Variants in HHIPL1 observed in about 807,000 individuals in gnomAD.
HHIPL1 encodes the protein HHIP-like protein 1.
In HHIPL1, 43 loss-of-function variants were observed where a neutral mutation model predicts 61.8. That is an observed-to-expected ratio of 0.70 (90% CI 0.55 to 0.90). The LOEUF (loss-of-function observed/expected upper bound fraction) is 0.90, where lower values mean the gene tolerates loss of function less well. HHIPL1 is among the 40% of genes least tolerant of loss of function. HHIPL1 has a pLI of 0.00. For synonymous variants in HHIPL1, 482 were observed against 515.8 expected, an observed-to-expected ratio of 0.93 and a Z score of 0.89; for missense variants, 1,056 against 1,157.7, an observed-to-expected ratio of 0.91 and a Z score of 1.28.
chr14:99,632,570 C>G, the HHIPL1 span, among the ~76,000 whole-genome samples: 3 of 152,192 alleles, frequency 2.0e-5, no homozygotes, highest in Non-Finnish European at 4.4e-5. Flanking sequence ...TCTGAGCAGG[C>G]TATCACTTCC....
chr14:99,673,329 CT>C (rs977136387), intron 8 of HHIPL1, among the ~76,000 whole-genome samples: 1 of 151,540 alleles, frequency 6.6e-6, no homozygotes, highest in Admixed American at 6.6e-5. Flanking sequence ...GTTTCTGGCA[CT>C]TTTGTTAGTT....
chr14:99,640,877 C>CTTTTTTTTTTTTTT (rs59137552), upstream of HHIPL1, among the ~76,000 whole-genome samples: 31 of 69,858 alleles, frequency 4.4e-4, 3 homozygotes, highest in South Asian at 1.2e-3. Context: ...ACTTCTTCTT[C>CTTTTTTTTTTTTTT]TTTTTTTTTT....
chr14:99,622,684 G>T, the HHIPL1 span, among the ~76,000 whole-genome samples: 4 of 152,164 alleles, frequency 2.6e-5, no homozygotes, highest in South Asian at 4.1e-4. Flanking sequence ...CACCAGGGGG[G>T]TCCTGAGTTC....
At chr14:99,610,160 C>T in the HHIPL1 span, among the ~76,000 whole-genome samples, 1 of 152,144 alleles carries the variant, frequency 6.6e-6, no homozygotes, top group South Asian at 2.1e-4. Flanking sequence ...CCTGATGGAA[C>T]AAGACAAGAG....
chr14:99,619,397 G>T, the HHIPL1 span, among the ~76,000 whole-genome samples: 1 of 151,676 alleles, frequency 6.6e-6, no homozygotes, highest in East Asian at 1.9e-4. Flanking sequence ...GGGAGGCAGA[G>T]GTTGCAGTGG....
chr14:99,650,844 C>T (rs1566806779), intron 1 of HHIPL1, among the ~76,000 whole-genome samples: 1 of 152,264 alleles, frequency 6.6e-6, no homozygotes, highest in East Asian at 1.9e-4. Context: ...AGAATTCTGC[C>T]TGCCAGAGAA....
intron 6 of HHIPL1, among the ~76,000 whole-genome samples, chr14:99,667,978 G>C (rs781469250): frequency 2.0e-5 from 3 of 152,200 alleles, no homozygotes; most frequent in Non-Finnish European, 2.9e-5. Context: ...GGTGGGTCCA[G>C]GCAGAGTGCC....
chr14:99,653,763 T>C (rs955577856), intron 2 of HHIPL1, among the ~76,000 whole-genome samples: 4 of 152,204 alleles, frequency 2.6e-5, no homozygotes, highest in African/African-American at 9.7e-5. Context: ...CCCAACTGTT[T>C]TCAAAATGGG....
upstream of HHIPL1, among the ~76,000 whole-genome samples, chr14:99,640,216 A>G (rs1398693082): frequency 6.6e-6 from 1 of 152,142 alleles, no homozygotes; most frequent in Non-Finnish European, 1.5e-5. Flanking sequence ...TTCTTTTACA[A>G]TTATTTTAAT....
At chr14:99,617,894 C>G in the HHIPL1 span, among the ~76,000 whole-genome samples, 1 of 152,204 alleles carries the variant, frequency 6.6e-6, no homozygotes, top group East Asian at 1.9e-4. Context: ...ATGACTGTGC[C>G]CATTTTACTT....
chr14:99,620,378 G>T, the HHIPL1 span, among the ~76,000 whole-genome samples: 2 of 152,238 alleles, frequency 1.3e-5, no homozygotes, highest in African/African-American at 4.8e-5. Context: ...CTGGCTGAGG[G>T]TCCAGGAGCC....
chr14:99,638,032 C>T, the HHIPL1 span, among the ~76,000 whole-genome samples: 5 of 152,322 alleles, frequency 3.3e-5, no homozygotes, highest in African/African-American at 7.2e-5. Flanking sequence ...AATGTTAGCA[C>T]GGGTGAAGTC....
Position 99,675,015 on chromosome 14 carries a change from G to C in HHIPL1, c.1814-76G>C. The C allele has an allele frequency of 1.2e-6, 1 of 801,246 alleles. No individual in the cohort carries two copies. The highest frequency in any genetic ancestry group is 1.6e-6 in the Non-Finnish European group (1 of 637,742). The allele number at this position is 801,246 out of a possible 1,614,324, so 49.6% of individuals were successfully genotyped here. On this transcript the variant is annotated intron_variant, in intron 8 of 8. Coordinates refer to ENST00000330710, the MANE Select transcript of HHIPL1 (RefSeq NM_001127258.3). This position sits in a 1 kb window ranked among gnomAD's most constrained non-coding sequence, Gnocchi z 5.4. ...GTCTGCGCTCTCCGCACAGGTTGCA[G>C]GGCAGCACAGGGTGGGCAGCAGGGC...
chr14:99,644,675 G>A (rs571658713), upstream of HHIPL1, among the ~76,000 whole-genome samples: 29 of 152,136 alleles, frequency 1.9e-4, no homozygotes, highest in Non-Finnish European at 4.0e-4. Flanking sequence ...GGACTGCGGA[G>A]ACTGCTCCGT....
At position 99,652,866 on chromosome 14, in the gene HHIPL1, G is replaced by A. The variant is rs753018146; in HGVS notation, c.898G>A (p.Glu300Lys). Residue 300 changes from glutamate to lysine, a missense_variant, in exon 2 of 9, where the codon GAG becomes AAG. Coordinates refer to ENST00000330710, the MANE Select transcript of HHIPL1 (RefSeq NM_001127258.3). Reference protein sequence around the residue: ...DDENAVDHSSERIILEVKEPA... With the variant: ...DDENAVDHSSKRIILEVKEPA... ...CGAGAACGCCGTGGACCACAGCTCT[G>A]AGAGGTGGCTTCCTTGGGGAACCCG... 4.3e-6 allele frequency: 7 copies of A among 1,611,426 alleles called. No homozygotes were observed. In the South Asian group the frequency reaches 7.7e-5, roughly 18 times the overall value.
At position 99,652,831 on chromosome 14, in the gene HHIPL1, C is replaced by T; in HGVS notation, c.863C>T (p.Ser288Phe). The change falls in exon 2 of 9, where the codon TCC (serine) becomes TTC (phenylalanine). Residue 288 changes from serine to phenylalanine, a missense_variant. Physicochemically the swap from Ser to Phe is radical, Grantham distance 155. Coordinates refer to ENST00000330710, the MANE Select transcript of HHIPL1 (RefSeq NM_001127258.3). ...EWIRISEFRV[S>F]EDDENAVDHS... ...ATCCGCATCAGCGAGTTCAGAGTCT[C>T]CGAGGATGACGAGAACGCCGTGGAC... 1 of 1,614,074 alleles carries T rather than the reference C, an allele frequency of 6.2e-7. No individual in the cohort carries two copies. Among genetic ancestry groups the T allele is most frequent in the Non-Finnish European group, 8.5e-7 (1 of 1,180,020 alleles).
chr14:99,670,936 C>T (rs928572765), intron 7 of HHIPL1, among the ~76,000 whole-genome samples: 4 of 152,162 alleles, frequency 2.6e-5, no homozygotes, highest in South Asian at 2.1e-4. Flanking sequence ...CCAGATGTTG[C>T]CTTAGAGCCA....
chr14:99,640,831 C>CCTATATCAT (rs2055740303), upstream of HHIPL1, among the ~76,000 whole-genome samples: 1 of 150,034 alleles, frequency 6.7e-6, no homozygotes, highest in South Asian at 2.1e-4. Flanking sequence ...GAATTTCTGA[C>CCTATATCAT]CTATATCATC....
intron 3 of HHIPL1, among the ~76,000 whole-genome samples, chr14:99,658,985 C>T (rs1321880424): frequency 6.6e-6 from 1 of 152,138 alleles, no homozygotes; most frequent in Non-Finnish European, 1.5e-5. Context: ...GTTGAGGACA[C>T]CAAGATTCCA....
Sources: gnomAD v4.1 joint callset for allele counts (sites outside exome capture counted in the v4.1 genomes callset) on GRCh38, gnomAD v4.1.1 for gene constraint, Gnocchi (gnomAD v3.1) non-coding constraint, MANE v1.5 for transcripts, NCBI Gene and HGNC (gene_info 2026-07-23, HGNC 2026-07-21) for gene names.